The following NR1D1 variants were observed in gnomAD, a reference collection of about 807,000 sequenced individuals.
The protein encoded by NR1D1 is Rev-ErbAalpha.
In NR1D1, 17 loss-of-function variants were observed where a neutral mutation model predicts 51.1. The observed-to-expected ratio is 0.33, with a 90% CI of 0.23 to 0.50. The LOEUF (loss-of-function observed/expected upper bound fraction) is 0.50, where lower values mean the gene tolerates loss of function less well. Ranked by LOEUF, NR1D1 falls within the 20% of genes least tolerant of loss-of-function variation. NR1D1 has a pLI of 0.98. For synonymous variants in NR1D1, 341 were observed against 333.4 expected (o/e 1.02, Z -0.25); for missense variants, 647 against 830.4 (o/e 0.78, Z 2.71).
chr17:40,097,252 G>A lies in NR1D1; in HGVS notation c.183C>T (p.Thr61=), dbSNP rs762969796. ...TCCCAAAGGAGCGAGCCGGGTCTTG[G>A]GTGAGGGAGCCAGTGGGGGATGGTG... ...YFPPSPTGSL[T]QDPARSFGSI... Residue 61 remains threonine (T), a synonymous_variant, in exon 2 of 8, where the codon ACC becomes ACT. Coordinates refer to ENST00000246672, the MANE Select transcript of NR1D1 (RefSeq NM_021724.5). 3.1e-6 allele frequency: 5 copies of A among 1,612,594 alleles called. No individual in the cohort carries two copies. Among genetic ancestry groups the A allele is most frequent in the Middle Eastern group, 1.6e-4 (1 of 6,084 alleles).
rs1343862986 is a variant in NR1D1, at chr17:40,095,067, C to T, written c.1302G>A (p.Glu434=). ...PHGRSGRTVQ[E]IWEDFSMSFT... ...AGCTCATGGAGAAATCCTCCCAGAT[C>T]TCCTGCACCGTTCGCCCACTGCGTC... The change falls in exon 6 of 8, where the codon GAG becomes GAA. Residue 434 remains glutamate, a synonymous_variant. Transcript: ENST00000246672. The T allele has an allele frequency of 1.2e-6, 2 of 1,613,936 alleles. No individual in the cohort carries two copies. The highest frequency in any genetic ancestry group is 1.1e-5 in the South Asian group (1 of 91,088).
Position 40,097,154 on chromosome 17 carries a change from A to G in NR1D1, c.281T>C (p.Phe94Ser), listed in dbSNP as rs201095957. The G allele has an allele frequency of 3.7e-6, 6 of 1,611,358 alleles. No individual in the cohort carries two copies. The highest frequency in any genetic ancestry group is 3.4e-5 in the Admixed American group (2 of 59,644). The stretch of plus-strand genomic sequence containing the variant: ...ACTCCCAGGGGGGCTCCCATTATAG[A>G]AGGAGGAGGAGGATGACGACGAGGA... Reference protein sequence around the residue: ...SSSSSSSSSSFYNGSPPGSLQ... With the variant: ...SSSSSSSSSSSYNGSPPGSLQ... The change falls in exon 2 of 8, where the codon TTC becomes TCC. Residue 94 changes from phenylalanine (F) to serine (S), a missense_variant. Around this residue, in one of 7 missense-constraint regions of NR1D1, gnomAD observed 98 missense variants for 94.7 expected, o/e 1.03. Coordinates refer to ENST00000246672, the MANE Select transcript of NR1D1 (RefSeq NM_021724.5).
chr17:40,097,201 G>C lies in NR1D1; in HGVS notation c.234C>G (p.Asp78Glu), dbSNP rs200461492. 1.4e-5 allele frequency: 23 copies of C among 1,611,402 alleles called. No individual in the cohort carries two copies. Among genetic ancestry groups the C allele is most frequent in the Non-Finnish European group, 1.9e-5 (22 of 1,178,330 alleles). The change falls in exon 2 of 8, where the codon GAC (aspartate) becomes GAG (glutamate). Residue 78 changes from aspartate to glutamate, a missense_variant. By Grantham distance (45) the Asp-to-Glu change is conservative. Coordinates refer to ENST00000246672, the MANE Select transcript of NR1D1 (RefSeq NM_021724.5). ...AGGAAGATGAGGAAGAAGGGGAGCCGTCATCACTCAGGCTGGGTGGAATGC... is the reference window on the plus strand; with the variant it reads ...AGGAAGATGAGGAAGAAGGGGAGCCCTCATCACTCAGGCTGGGTGGAATGC... ...FGSIPPSLSD[D>E]GSPSSSSSSS...
In NR1D1 at chr17:40,095,802, C is replaced by T. The variant is rs775019023; in HGVS notation, c.890G>A (p.Arg297Gln). The T allele has an allele frequency of 1.1e-5, 17 of 1,613,402 alleles. No homozygotes were observed. The Admixed American group carries it at 1.3e-4, about 13-fold the overall frequency. Residue 297 changes from arginine to glutamine, a missense_variant, in exon 5 of 8, where the codon CGA becomes CAA. Around this residue, in one of 7 missense-constraint regions of NR1D1, gnomAD observed 51 missense variants for 75.9 expected, o/e 0.67. Coordinates refer to ENST00000246672, the MANE Select transcript of NR1D1 (RefSeq NM_021724.5). Reference sequence around the variant, plus strand: ...GTCATGGGCGTAGGTGAAGATCTCTCGATGGGCCCGGGCCACCTGGGATAT... The same window carrying T: ...GTCATGGGCGTAGGTGAAGATCTCTTGATGGGCCCGGGCCACCTGGGATAT... The part of the protein sequence containing the change: ...DVISQVARAH[R>Q]EIFTYAHDKL...
In NR1D1 at chr17:40,094,084, C is replaced by G; in HGVS notation, c.1473G>C (p.Lys491Asn). The G allele has an allele frequency of 4.3e-6, 7 of 1,613,996 alleles. No individual in the cohort carries two copies. Among genetic ancestry groups the G allele is most frequent in the Non-Finnish European group, 5.9e-6 (7 of 1,180,038 alleles). ...MVRFASLFNVKDQTVMFLSRT... is the reference protein window; with the variant it reads ...MVRFASLFNVNDQTVMFLSRT... ...GGCTTAGGAACATCACTGTCTGGTC[C>G]TTCACGTTGAACAACGAAGCAAAGC... Residue 491 changes from lysine to asparagine, a missense_variant, in exon 7 of 8, where the codon AAG becomes AAC. Coordinates refer to ENST00000246672, the MANE Select transcript of NR1D1 (RefSeq NM_021724.5).
intron 5 of NR1D1, 105 bp downstream of exon 5, chr17:40,095,339 A>G (rs1013882500): frequency 5.8e-6 from 8 of 1,378,634 alleles, no homozygotes; most frequent in Non-Finnish European, 7.8e-6. Flanking sequence ...GGAAGATGCT[A>G]TCCCCACACT....
chr17:40,094,996 G>A lies in NR1D1; in HGVS notation c.1373C>T (p.Pro458Leu), dbSNP rs1987719573. The A allele has an allele frequency of 2.5e-6, 4 of 1,614,052 alleles. No individual in the cohort carries two copies. Among genetic ancestry groups the A allele is most frequent in the South Asian group, 1.1e-5 (1 of 91,090 alleles). Residue 458 changes from proline to leucine, a missense_variant, in exon 6 of 8, where the codon CCG becomes CTG. By Grantham distance (98) the Pro-to-Leu change is moderately conservative. Coordinates refer to ENST00000246672, the MANE Select transcript of NR1D1 (RefSeq NM_021724.5). ...REVVEFAKHI[P>L]GFRDLSQHDQ... is the part of the protein sequence containing the mutation. ...ATGCTGAGAAAGGTCACGGAAGCCCGGGATGTGTTTGGCAAACTCTACCAC... is the reference window on the plus strand; with the variant it reads ...ATGCTGAGAAAGGTCACGGAAGCCCAGGATGTGTTTGGCAAACTCTACCAC...
chr17:40,099,120 C>T (rs1987823601), intron 1 of NR1D1, among the ~76,000 whole-genome samples: 1 of 151,946 alleles, frequency 6.6e-6, no homozygotes, highest in African/African-American at 2.4e-5. Context: ...GCTGGGCCCT[C>T]AGCCGGCCTC....
rs1322746552 is a variant in NR1D1 at position 40,096,644 on chromosome 17, G to T, written c.459+47C>A. On this transcript the variant is annotated intron_variant, in intron 3 of 7. Coordinates refer to ENST00000246672, the MANE Select transcript of NR1D1 (RefSeq NM_021724.5). ...CATCATGGCTGGGCCTCTGTGTCCA[G>T]GGGGAGGGGGCCACCTGCCCCTGCC... 3 of 1,613,642 alleles carry T rather than the reference G, an allele frequency of 1.9e-6. No individual in the cohort carries two copies. The African/African-American group carries it at 4.0e-5, about 22-fold the overall frequency.
intron 4 of NR1D1, 60 bp from the exon 5 acceptor site, chr17:40,096,147 C>T (rs1323259868): frequency 6.4e-7 from 1 of 1,571,234 alleles, no homozygotes; most frequent in African/African-American, 1.4e-5. Context: ...GCTTCTCTTC[C>T]TTCCTTCCTC....
At chr17:40,094,151 G>A (rs200325677) in intron 6 of NR1D1, 29 bp from the exon 7 acceptor site, 2 of 1,606,328 alleles carry the variant, frequency 1.2e-6, no homozygotes, top group Non-Finnish European at 1.7e-6. Flanking sequence ...AGTCATCCTG[G>A]GTGTGGTGGG....
At position 40,100,454 on chromosome 17, in the gene NR1D1, T is replaced by A. The variant is rs1987856908; in HGVS notation, c.-360A>T. 2.2e-6 allele frequency: 1 copy of A among 457,360 alleles called. No homozygotes were observed. The highest frequency in any genetic ancestry group is 3.9e-5 in the Admixed American group (1 of 25,754). The allele number at this position is 457,360 out of a possible 1,614,324, so 28.3% of individuals were successfully genotyped here. On this transcript the variant is annotated 5_prime_UTR_variant, in exon 1 of 8. Transcript: ENST00000246672. Reference sequence around the variant, plus strand: ...CGCTGCGGGGTGGCGAATCTGGAGCTCCCGGTGCAAAAGTCCCAGAGGAAG... The same window carrying A: ...CGCTGCGGGGTGGCGAATCTGGAGCACCCGGTGCAAAAGTCCCAGAGGAAG...
At chr17:40,097,429 G>T in intron 1 of NR1D1, 26 bp from the exon 2 acceptor site, 1 of 1,559,306 alleles carries the variant, frequency 6.4e-7, no homozygotes, top group South Asian at 1.2e-5. Flanking sequence ...AAGGAAAGGG[G>T]GTGTCAGCCG....
In NR1D1 at chr17:40,100,074, G is replaced by A. The variant is rs777024052; in HGVS notation, c.21C>T (p.Asn7=). ...AAGAAATCTCAGTACCTGTGTTGTTGTTGGAGTCCAGGGTCGTCATGTCTT... is the reference window on the plus strand; with the variant it reads ...AAGAAATCTCAGTACCTGTGTTGTTATTGGAGTCCAGGGTCGTCATGTCTT... The part of the protein sequence containing the change: MTTLDS[N]NNTGGVITYI... The change falls in exon 1 of 8, where the codon AAC becomes AAT. Residue 7 remains asparagine, a synonymous_variant. Transcript: ENST00000246672. 1.2e-6 allele frequency: 2 copies of A among 1,609,758 alleles called. No individual in the cohort carries two copies. The highest frequency in any genetic ancestry group is 2.2e-5 in the South Asian group (2 of 91,008).
At position 40,092,806 on chromosome 17, in the gene NR1D1, A is replaced by G. The variant is rs1987631973; in HGVS notation, c.*277T>C. ...ACAGAAGCCAGCTCAGCTGTGAACT[A>G]TTGGATTTGAGACAGGAACAGAACA... On this transcript the variant is annotated 3_prime_UTR_variant, in exon 8 of 8. Coordinates refer to ENST00000246672, the MANE Select transcript of NR1D1 (RefSeq NM_021724.5). The G allele has an allele frequency of 4.5e-6, 3 of 662,162 alleles. No individual in the cohort carries two copies. Among genetic ancestry groups the G allele is most frequent in the East Asian group, 3.2e-5 (1 of 31,556 alleles). The allele number at this position is 662,162 out of a possible 1,614,324, so 41.0% of individuals were successfully genotyped here.
At chr17:40,099,101 A>G (rs1483747884) in intron 1 of NR1D1, among the ~76,000 whole-genome samples, 4 of 138,702 alleles carry the variant, frequency 2.9e-5, no homozygotes, top group African/African-American at 5.2e-5. Context: ...GGGGCGGGGC[A>G]GGGCGGGAGC....
At position 40,093,127 on chromosome 17, in the gene NR1D1, T is replaced by G. The variant is rs1987648801; in HGVS notation, c.1801A>C (p.Met601Leu). The change falls in exon 8 of 8, where the codon ATG (methionine) becomes CTG (leucine). Residue 601 changes from methionine (M) to leucine (L), a missense_variant. By Grantham distance (15) the Met-to-Leu change is conservative. Coordinates refer to ENST00000246672, the MANE Select transcript of NR1D1 (RefSeq NM_021724.5). The surrounding 1 kb of genome is among the most constrained non-coding windows in gnomAD (Gnocchi z 5.9). ...AAGGACAGCAGCTTCTCGGAATGCA[T>G]GTTGTTCAGGGTCCGCAGGTCCGGC... ...KLPDLRTLNN[M>L]HSEKLLSFRV... 1 of 1,613,808 alleles carries G rather than the reference T, an allele frequency of 6.2e-7. No homozygotes were observed. Among genetic ancestry groups the G allele is most frequent in the Non-Finnish European group, 8.5e-7 (1 of 1,179,980 alleles).
chr17:40,094,180 G>T, intron 6 of NR1D1, 58 bp from the exon 7 acceptor site: 4 of 1,517,560 alleles, frequency 2.6e-6, no homozygotes, highest in Non-Finnish European at 3.7e-6. Context: ...TGACCAAATC[G>T]CCCCTGTAGT....
At position 40,093,339 on chromosome 17, in the gene NR1D1, C is replaced by T. The variant is rs750131551; in HGVS notation, c.1646-57G>A. 18 of 1,612,988 alleles carry T rather than the reference C, an allele frequency of 1.1e-5. No individual in the cohort carries two copies. The highest frequency in any genetic ancestry group is 8.8e-5 in the South Asian group (8 of 91,066). ...TCCCCGAGCTCCTCTGAGGAGGAAC[C>T]GGAGGTCTGCGAGGACCTGGCAGGC... On this transcript the variant is annotated intron_variant, in intron 7 of 7. Transcript: ENST00000246672. The surrounding 1 kb of genome is among the most constrained non-coding windows in gnomAD (Gnocchi z 5.9).
Sources: allele counts gnomAD v4.1 joint callset (sites outside exome capture counted in the v4.1 genomes callset), GRCh38; gene constraint gnomAD v4.1.1; regional missense constraint gnomAD v4.1.1; non-coding constraint Gnocchi (gnomAD v3.1); transcripts MANE v1.5; gene names NCBI Gene and HGNC (gene_info 2026-07-23, HGNC 2026-07-21).